The following PARD3B variants were observed in gnomAD, a reference collection of about 807,000 sequenced individuals.
The protein encoded by PARD3B is par-3 family cell polarity regulator beta.
PARD3B carries 103 observed loss-of-function variants against 130.2 expected under a neutral mutation model. The observed-to-expected ratio is 0.79, with a 90% CI of 0.67 to 0.93. The LOEUF is 0.93. PARD3B is among the 40% of genes least tolerant of loss of function. The pLI is 0.00. For missense variants in PARD3B, 1,609 were observed against 1,499.2 expected, an observed-to-expected ratio of 1.07 and a Z score of -1.21; for synonymous variants, 583 against 553.2, an observed-to-expected ratio of 1.05 and a Z score of -0.76.
At chr2:205,019,323 TC>T (rs1443468816) in intron 3 of PARD3B, among the ~76,000 whole-genome samples, 1 of 152,228 alleles carries the variant, frequency 6.6e-6, no homozygotes, top group African/African-American at 2.4e-5. Flanking sequence ...TACTTTATTT[TC>T]TTTTTACTGC....
chr2:204,986,086 G>C (rs1161475005), intron 3 of PARD3B, among the ~76,000 whole-genome samples: 1 of 127,148 alleles, frequency 7.9e-6, no homozygotes, highest in Non-Finnish European at 1.6e-5. Context: ...GGACAACAGA[G>C]CGAGACTCTG....
chr2:205,313,222 G>T (rs1444122846), intron 18 of PARD3B, among the ~76,000 whole-genome samples: 1 of 152,142 alleles, frequency 6.6e-6, no homozygotes, highest in South Asian at 2.1e-4. Context: ...GCTAAAAGAG[G>T]ACCCAGAGAC....
intron 2 of PARD3B, among the ~76,000 whole-genome samples, chr2:204,938,165 T>C (rs372559057): frequency 3.0e-4 from 45 of 152,310 alleles, no homozygotes; most frequent in African/African-American, 9.9e-4. Flanking sequence ...ATTGGAAATA[T>C]TAAAGGGGGA....
intron 2 of PARD3B, among the ~76,000 whole-genome samples, chr2:204,880,823 T>C (rs2125668873): frequency 6.6e-6 from 1 of 152,270 alleles, no homozygotes; most frequent in East Asian, 1.9e-4. Context: ...GAGCCAGAGC[T>C]AACTAATGCA....
At chr2:205,581,774 A>G (rs1004295339) in intron 22 of PARD3B, among the ~76,000 whole-genome samples, 2 of 152,100 alleles carry the variant, frequency 1.3e-5, no homozygotes, top group African/African-American at 4.8e-5. Flanking sequence ...TTAAAAAGAT[A>G]CCTAAATCAT....
chr2:205,064,826 A>G (rs1700264800), intron 4 of PARD3B, among the ~76,000 whole-genome samples: 1 of 152,192 alleles, frequency 6.6e-6, no homozygotes, highest in Non-Finnish European at 1.5e-5. Context: ...ACAGCAACAA[A>G]GATGTGTAAG....
At chr2:204,679,786 A>G (rs1017285077) in intron 1 of PARD3B, among the ~76,000 whole-genome samples, 2 of 151,950 alleles carry the variant, frequency 1.3e-5, no homozygotes, top group African/African-American at 4.8e-5. Flanking sequence ...CTTTTTCTGC[A>G]TCCATTGTGG....
intron 4 of PARD3B, among the ~76,000 whole-genome samples, chr2:205,054,355 A>T (rs1297938119): frequency 7.2e-6 from 1 of 138,738 alleles, no homozygotes; most frequent in Admixed American, 7.5e-5. Context: ...AAGAAGGATC[A>T]CTATTTAGGT....
chr2:205,198,900 G>A (rs1211071146), intron 15 of PARD3B, among the ~76,000 whole-genome samples: 1 of 151,432 alleles, frequency 6.6e-6, no homozygotes, highest in East Asian at 1.9e-4. Context: ...TTCTTTTATT[G>A]TCCACCAATA....
intron 3 of PARD3B, among the ~76,000 whole-genome samples, chr2:205,002,436 T>C (rs898078651): frequency 5.3e-5 from 8 of 152,188 alleles, no homozygotes; most frequent in Non-Finnish European, 1.2e-4. Flanking sequence ...CTGACATCTT[T>C]ACCTGGAGGA....
At chr2:205,330,126 T>C (rs1376917738) in intron 18 of PARD3B, among the ~76,000 whole-genome samples, 1 of 151,038 alleles carries the variant, frequency 6.6e-6, no homozygotes, top group Non-Finnish European at 1.5e-5. Flanking sequence ...GGATCACCTG[T>C]GGTCAGGAGT....
chr2:204,816,241 C>T (rs890887794), intron 2 of PARD3B, among the ~76,000 whole-genome samples: 2 of 151,792 alleles, frequency 1.3e-5, no homozygotes, highest in Admixed American at 1.3e-4. Context: ...ATGTTATAAA[C>T]GTCAAACAAC....
At chr2:205,315,013 A>G (rs1312139472) in intron 18 of PARD3B, among the ~76,000 whole-genome samples, 2 of 152,058 alleles carry the variant, frequency 1.3e-5, no homozygotes, top group African/African-American at 4.8e-5. Context: ...CTCTAATTCA[A>G]TTTGTCATTG....
At chr2:205,323,117 G>T (rs965738754) in intron 18 of PARD3B, among the ~76,000 whole-genome samples, 2 of 151,258 alleles carry the variant, frequency 1.3e-5, no homozygotes, top group African/African-American at 2.4e-5. Context: ...CATCTTGTTG[G>T]CCAGGATGGT....
intron 2 of PARD3B, among the ~76,000 whole-genome samples, chr2:204,728,405 C>T (rs904942328): frequency 1.3e-5 from 2 of 152,056 alleles, no homozygotes; most frequent in African/African-American, 2.4e-5. Context: ...AAGAAGAAAT[C>T]CTACACAAGT....
At chr2:205,560,209 TTC>T (rs2053080180) in intron 22 of PARD3B, among the ~76,000 whole-genome samples, 1 of 152,212 alleles carries the variant, frequency 6.6e-6, no homozygotes, top group Non-Finnish European at 1.5e-5. Context: ...ACCTATCATA[TTC>T]TGTTATTTGC....
chr2:205,147,118 A>C (rs910956623), intron 10 of PARD3B, among the ~76,000 whole-genome samples: 43 of 152,368 alleles, frequency 2.8e-4, no homozygotes, highest in African/African-American at 9.1e-4. Flanking sequence ...AAGAAGTAAA[A>C]ACAAAACAAA....
chr2:205,085,664 C>G (rs1701700100), intron 4 of PARD3B, among the ~76,000 whole-genome samples: 1 of 151,816 alleles, frequency 6.6e-6, no homozygotes, highest in South Asian at 2.1e-4. Flanking sequence ...TTTTCACCTT[C>G]TTTGTACTTT....
intron 2 of PARD3B, among the ~76,000 whole-genome samples, chr2:204,807,467 A>G (rs2042809574): frequency 1.3e-5 from 2 of 152,152 alleles, no homozygotes; most frequent in Admixed American, 6.6e-5. Context: ...TAGAACTACC[A>G]TATGATGTAG....
Sources: gnomAD v4.1 joint callset for allele counts (sites outside exome capture counted in the v4.1 genomes callset) on GRCh38, gnomAD v4.1.1 for gene constraint, MANE v1.5 for transcripts, NCBI Gene and HGNC (gene_info 2026-07-23, HGNC 2026-07-21) for gene names.